CLSTN2: variants seen among roughly 807,000 people sequenced by gnomAD.
CLSTN2 encodes calsyntenin-2.
CLSTN2 carries 48 observed loss-of-function variants against 101.2 expected under a neutral mutation model. The ratio of observed to expected loss-of-function variants is 0.47; its 90% CI spans 0.38 to 0.60. CLSTN2 has a LOEUF of 0.60. Ranked by LOEUF, CLSTN2 falls within the 20% of genes least tolerant of loss-of-function variation. The pLI, the probability that CLSTN2 is intolerant of heterozygous loss-of-function variation, is 0.00. For synonymous variants in CLSTN2, 481 were observed against 463.6 expected (o/e 1.04, Z -0.48); for missense variants, 1,160 against 1,238.2 (o/e 0.94, Z 0.95).
intron 2 of CLSTN2, among the ~76,000 whole-genome samples, chr3:140,334,096 C>A (rs544389607): frequency 1.3e-5 from 2 of 152,244 alleles, no homozygotes; most frequent in South Asian, 4.2e-4. Flanking sequence ...AGCTGCTTAA[C>A]TTCTTGGGCC....
chr3:140,277,927 G>T (rs2086810105), intron 2 of CLSTN2, among the ~76,000 whole-genome samples: 1 of 152,210 alleles, frequency 6.6e-6, no homozygotes, highest in African/African-American at 2.4e-5. Flanking sequence ...TGACAGCAGT[G>T]CTTTCAGAAG....
chr3:140,082,553 C>T (rs914148480), intron 1 of CLSTN2, among the ~76,000 whole-genome samples: 1 of 152,162 alleles, frequency 6.6e-6, no homozygotes, highest in African/African-American at 2.4e-5. Flanking sequence ...GCACCCACTA[C>T]TTCTACAAGT....
At chr3:140,298,828 T>G (rs1412068866) in intron 2 of CLSTN2, among the ~76,000 whole-genome samples, 1 of 151,904 alleles carries the variant, frequency 6.6e-6, no homozygotes. Context: ...AAAATTGGAG[T>G]GAAGAGGCAT....
intron 2 of CLSTN2, among the ~76,000 whole-genome samples, chr3:140,292,992 A>C (rs1339703124): frequency 6.6e-6 from 1 of 152,202 alleles, no homozygotes; most frequent in Non-Finnish European, 1.5e-5. Context: ...GCGGACTTAG[A>C]GTAGACGTGA....
At chr3:140,139,549 G>A (rs1475959043) in intron 1 of CLSTN2, among the ~76,000 whole-genome samples, 1 of 152,186 alleles carries the variant, frequency 6.6e-6, no homozygotes, top group Non-Finnish European at 1.5e-5. Context: ...AGGTGCTGAT[G>A]TCATCTGAGG....
intron 2 of CLSTN2, among the ~76,000 whole-genome samples, chr3:140,245,398 C>A (rs1283471925): frequency 1.3e-5 from 2 of 151,182 alleles, no homozygotes; most frequent in African/African-American, 4.9e-5. Flanking sequence ...GCACCATCCC[C>A]AAGAAATACA....
chr3:140,144,162 C>G (rs544569148), intron 1 of CLSTN2, among the ~76,000 whole-genome samples: 1 of 152,306 alleles, frequency 6.6e-6, no homozygotes, highest in African/African-American at 2.4e-5. Context: ...TGCTAAAGAA[C>G]TGACTTCCAC....
At chr3:140,530,409 T>A (rs908196104) in intron 8 of CLSTN2, among the ~76,000 whole-genome samples, 1 of 152,198 alleles carries the variant, frequency 6.6e-6, no homozygotes, top group Admixed American at 6.5e-5. Flanking sequence ...GAATCACTGT[T>A]TTTATGCTGC....
intron 1 of CLSTN2, among the ~76,000 whole-genome samples, chr3:139,966,094 T>A (rs576562459): frequency 3.5e-4 from 54 of 152,248 alleles, no homozygotes; most frequent in Non-Finnish European, 7.6e-4. Flanking sequence ...TTACTGTGAC[T>A]AAATGACAGA....
intron 2 of CLSTN2, among the ~76,000 whole-genome samples, chr3:140,196,119 A>G (rs754767580): frequency 7.2e-5 from 11 of 152,138 alleles, no homozygotes; most frequent in Non-Finnish European, 1.2e-4. Flanking sequence ...CGTGTTACCG[A>G]AGAAGAATGC....
In CLSTN2 at chr3:140,385,357, CTTTTTTTTTTTT is replaced by C. The variant is rs546696189; in HGVS notation, c.233-18256_233-18245del. On this transcript the variant is annotated intron_variant, in intron 2 of 16. Transcript: ENST00000458420. Reference sequence around the variant, plus strand: ...CATTGCCAGTTGGGTCCCTGATGTTCTTTTTTTTTTTTTTTTTTTTTTTTTTTATCTGAGATG... The same window carrying C: ...CATTGCCAGTTGGGTCCCTGATGTTCTTTTTTTTTTTTTTTATCTGAGATG... Among the ~76,000 whole-genome samples the C allele has an allele frequency of 3.3e-3, 237 of 72,850 alleles. 2 individuals carry two copies. Among genetic ancestry groups the C allele is most frequent in the African/African-American group, 0.015 (231 of 15,374 alleles). 47.8% of individuals were successfully genotyped at this position (72,850 alleles called of 152,430 possible).
In CLSTN2 at chr3:140,130,420, G is replaced by A. The variant is rs563217875; in HGVS notation, c.110-45531G>A. Among the ~76,000 whole-genome samples, 29 of 152,236 alleles carry A rather than the reference G, an allele frequency of 1.9e-4. 1 individual carries two copies. Among genetic ancestry groups the A allele is most frequent in the East Asian group, 7.7e-4 (4 of 5,188 alleles). On this transcript the variant is annotated intron_variant, in intron 1 of 16. Transcript: ENST00000458420. ...AGAGCAGGTACTAAATGCACATTCC[G>A]GGAAACCCTCCTGGAAGTTTTGCCT...
intron 8 of CLSTN2, among the ~76,000 whole-genome samples, chr3:140,489,621 C>T (rs1934303762): frequency 6.6e-6 from 1 of 152,018 alleles, no homozygotes; most frequent in African/African-American, 2.4e-5. Flanking sequence ...TTTAAACACC[C>T]ACCACACCCC....
chr3:140,285,385 G>T (rs1381955616), intron 2 of CLSTN2, among the ~76,000 whole-genome samples: 1 of 152,000 alleles, frequency 6.6e-6, no homozygotes, highest in East Asian at 1.9e-4. Context: ...GTTGCTTAAG[G>T]GAGTGTTATG....
chr3:140,553,428 T>A (rs1272832407), intron 10 of CLSTN2, among the ~76,000 whole-genome samples: 4 of 152,198 alleles, frequency 2.6e-5, no homozygotes, highest in Non-Finnish European at 2.9e-5. Flanking sequence ...TACTCCAAAG[T>A]TGCATTTTGT....
chr3:140,415,958 C>CT (rs1272699370), intron 4 of CLSTN2, among the ~76,000 whole-genome samples: 11 of 152,206 alleles, frequency 7.2e-5, no homozygotes, highest in African/African-American at 2.4e-4. Flanking sequence ...ACCTAAGTGA[C>CT]TGTTGACAGA....
rs138208411 is a variant in CLSTN2 at position 139,942,969 on chromosome 3, A to C, written c.109+7486A>C. ...TCAGTCCTCCCCAGAGATTGGCCAG[A>C]GATGCCCCTGATCAATACTTTTTTT... is the stretch of plus-strand genomic sequence containing the variant. On this transcript the variant is annotated intron_variant, in intron 1 of 16. Transcript: ENST00000458420. 2.3e-3 allele frequency among the ~76,000 whole-genome samples: 357 copies of C among 152,274 alleles called. 3 individuals are homozygous for C. The highest frequency in any genetic ancestry group is 8.3e-3 in the African/African-American group (344 of 41,554).
chr3:140,183,326 G>A (rs1402116747), intron 2 of CLSTN2, among the ~76,000 whole-genome samples: 3 of 152,174 alleles, frequency 2.0e-5, no homozygotes, highest in Non-Finnish European at 4.4e-5. Flanking sequence ...TTCCTGGGAT[G>A]TGTGACTTCT....
intron 1 of CLSTN2, among the ~76,000 whole-genome samples, chr3:140,085,020 C>A (rs1209213208): frequency 6.6e-6 from 1 of 152,218 alleles, no homozygotes; most frequent in Admixed American, 6.5e-5. Flanking sequence ...GCTGAGTCTT[C>A]TACCGTTTAC....
Sources: gnomAD v4.1 joint callset for allele counts (sites outside exome capture counted in the v4.1 genomes callset) on GRCh38, gnomAD v4.1.1 for gene constraint, MANE v1.5 for transcripts, NCBI Gene and HGNC (gene_info 2026-07-23, HGNC 2026-07-21) for gene names.